Variants in TRMT2B observed in about 807,000 individuals in gnomAD.
TRMT2B encodes tRNA (uracil-5-)-methyltransferase homolog B.
Under a neutral mutation model 39.7 loss-of-function variants are expected in TRMT2B, and 34 were observed. The observed-to-expected ratio is 0.86, with a 90% CI of 0.65 to 1.14. The LOEUF is 1.14. TRMT2B is among the 50% of genes most tolerant of loss of function. The probability of loss-of-function intolerance (pLI) is 0.00; values close to 1 mark genes in which losing one functional copy is unlikely to be tolerated. For missense variants in TRMT2B, 318 were observed against 377.2 expected, an observed-to-expected ratio of 0.84 and a Z score of 1.30; for synonymous variants, 132 against 137.3, an observed-to-expected ratio of 0.96 and a Z score of 0.27.
At chrX:101,015,495 T>C (rs2086467237) in intron 13 of TRMT2B, 1 of 226,025 alleles carries the variant, frequency 4.4e-6, no homozygotes, top group Admixed American at 9.5e-5. Context: ...ACTTCTAATT[T>C]GCATTTCTAT....
chrX:101,047,391 A>G (rs752073385), intron 2 of TRMT2B, among the ~76,000 whole-genome samples: 4 of 111,574 alleles, frequency 3.6e-5, no homozygotes, highest in Non-Finnish European at 7.5e-5. Flanking sequence ...GGGAGAAGGA[A>G]CAATGGGAGT....
At chrX:101,047,207 GA>G (rs58813758) in intron 2 of TRMT2B, among the ~76,000 whole-genome samples, 19,180 of 82,512 alleles carry the variant, frequency 0.23, 1,879 homozygotes, top group African/African-American at 0.33. Flanking sequence ...ACCCTGTCTC[GA>G]AAAAAAAAAA....
At chrX:101,004,200 G>A in the TRMT2B span, among the ~76,000 whole-genome samples, 1 of 110,400 alleles carries the variant, frequency 9.1e-6, no homozygotes, top group Non-Finnish European at 1.9e-5. Flanking sequence ...ATAGGGTTTT[G>A]CCATATTGCC....
chrX:100,998,856 C>T, the TRMT2B span, among the ~76,000 whole-genome samples: 1 of 111,138 alleles, frequency 9.0e-6, no homozygotes, highest in Non-Finnish European at 1.9e-5. Flanking sequence ...TAAGCACCTG[C>T]CATATTTCAG....
chrX:101,045,821 T>C (rs2148073977), intron 2 of TRMT2B, among the ~76,000 whole-genome samples: 1 of 104,690 alleles, frequency 9.6e-6, no homozygotes. Context: ...ATTAATAATA[T>C]AACAAAAATT....
At chrX:100,983,960 T>C in the TRMT2B span, among the ~76,000 whole-genome samples, 1 of 111,700 alleles carries the variant, frequency 9.0e-6, no homozygotes, top group East Asian at 2.8e-4. Context: ...AAGTTATGCA[T>C]TCTAGTCTTA....
At chrX:101,030,133 G>A (rs367700360) in intron 7 of TRMT2B, among the ~76,000 whole-genome samples, 1 of 111,088 alleles carries the variant, frequency 9.0e-6, no homozygotes, top group African/African-American at 3.3e-5. Flanking sequence ...AGTGGCACGT[G>A]CCTATAGTCC....
At chrX:101,036,757 T>C (rs1037196700) in intron 6 of TRMT2B, among the ~76,000 whole-genome samples, 1 of 111,717 alleles carries the variant, frequency 9.0e-6, no homozygotes, top group African/African-American at 3.2e-5. Context: ...ATATATGGCT[T>C]TTAGAGGAAG....
chrX:101,035,239 CTATCT>C (rs1444378732), intron 7 of TRMT2B, among the ~76,000 whole-genome samples: 1 of 111,303 alleles, frequency 9.0e-6, no homozygotes, highest in Admixed American at 9.7e-5. Context: ...TCATGATGTA[CTATCT>C]TATCACCACT....
At position 101,051,251 on chromosome X, in the gene TRMT2B, C is replaced by T; in HGVS notation, c.-24G>A. 1 of 752,774 alleles carries T rather than the reference C, an allele frequency of 1.3e-6. No individual in the cohort carries two copies. Among genetic ancestry groups the T allele is most frequent in the Non-Finnish European group, 1.6e-6 (1 of 638,400 alleles). 62.0% of individuals were successfully genotyped at this position (752,774 alleles called of 1,213,427 possible). ...AAAGAGACTATGTGGTAGGTCTCAC[C>T]TGCGCAGGGCCAAGGATCCCTTTTG... On this transcript the variant is annotated splice_region_variant and 5_prime_UTR_variant, in exon 2 of 14. Coordinates refer to ENST00000372936, the MANE Select transcript of TRMT2B (RefSeq NM_024917.6).
intron 7 of TRMT2B, among the ~76,000 whole-genome samples, chrX:101,034,569 T>G (rs2087718868): frequency 8.9e-6 from 1 of 111,864 alleles, no homozygotes. Flanking sequence ...GACTTGATTT[T>G]GGAACCTAGT....
At position 101,051,394 on chromosome X, in the gene TRMT2B, T is replaced by G; in HGVS notation, c.-167A>C. 1 of 754,558 alleles carries G rather than the reference T, an allele frequency of 1.3e-6. No individual in the cohort carries two copies. The highest frequency in any genetic ancestry group is 1.6e-6 in the Non-Finnish European group (1 of 639,437). The allele number at this position is 754,558 out of a possible 1,213,427, so 62.2% of individuals were successfully genotyped here. A position where few individuals can be genotyped will look rare whatever the true frequency, so the allele number is the denominator to read the frequency against. Reference sequence around the variant, plus strand: ...AAACCAAACAAGCAAATGGGTTGACTGCTGTGTCGTGTCCCGAATGCAGCC... The same window carrying G: ...AAACCAAACAAGCAAATGGGTTGACGGCTGTGTCGTGTCCCGAATGCAGCC... On this transcript the variant is annotated 5_prime_UTR_variant, in exon 2 of 14. Transcript: ENST00000372936.
intron 7 of TRMT2B, among the ~76,000 whole-genome samples, chrX:101,024,134 C>T (rs1020569518): frequency 8.1e-5 from 9 of 111,395 alleles, no homozygotes; most frequent in Non-Finnish European, 1.1e-4. Flanking sequence ...AGCCGTGAGC[C>T]ACCGCACCAT....
the TRMT2B span, chrX:100,986,830 A>G: frequency 8.3e-7 from 1 of 1,204,418 alleles, no homozygotes; most frequent in African/African-American, 1.7e-5. Flanking sequence ...GAAAGCCCTC[A>G]TGCCTTGTGA....
chrX:101,031,435 TG>T (rs1249361157), intron 7 of TRMT2B, among the ~76,000 whole-genome samples: 1 of 112,241 alleles, frequency 8.9e-6, no homozygotes, highest in Non-Finnish European at 1.9e-5. Flanking sequence ...AGGCTGGGCA[TG>T]GTGGCTCACG....
At chrX:100,980,181 C>T in the TRMT2B span, among the ~76,000 whole-genome samples, 1 of 111,804 alleles carries the variant, frequency 8.9e-6, no homozygotes, top group Non-Finnish European at 1.9e-5. Context: ...TATTTCCCTT[C>T]AGTGCAGCAG....
chrX:100,985,969 A>G, the TRMT2B span: 1 of 1,154,421 alleles, frequency 8.7e-7, no homozygotes, highest in Non-Finnish European at 1.2e-6. Context: ...TACCCTTAAA[A>G]GTATAGAAAT....
At chrX:101,015,618 C>T (rs1337451759) in intron 13 of TRMT2B, 1 of 748,374 alleles carries the variant, frequency 1.3e-6, no homozygotes, top group African/African-American at 2.3e-5. Flanking sequence ...GGTGCAGTCT[C>T]AGCTTACCAA....
chrX:101,000,511 C>G, the TRMT2B span, among the ~76,000 whole-genome samples: 1 of 110,685 alleles, frequency 9.0e-6, no homozygotes, highest in Non-Finnish European at 1.9e-5. Context: ...TACTTTCTAC[C>G]ACACCCCCCA....
Sources: allele counts gnomAD v4.1 joint callset (sites outside exome capture counted in the v4.1 genomes callset), GRCh38; gene constraint gnomAD v4.1.1; transcripts MANE v1.5; gene names NCBI Gene and HGNC (gene_info 2026-07-23, HGNC 2026-07-21).